The following FSIP2 variants were observed in gnomAD, a reference collection of about 807,000 sequenced individuals.
FSIP2 encodes the protein fibrous sheath-interacting protein 2.
In FSIP2, 367 loss-of-function variants were observed where a neutral mutation model predicts 510.5. That is an observed-to-expected ratio of 0.72 (90% CI 0.66 to 0.78). The LOEUF (loss-of-function observed/expected upper bound fraction) is 0.78. Among genes scored for constraint, FSIP2 ranks in the 30% least tolerant of loss-of-function variants. FSIP2 has a pLI of 0.00. For missense variants in FSIP2, 7,594 were observed against 7,901.7 expected (o/e 0.96, Z 1.48); for synonymous variants, 2,601 against 2,732.2 (o/e 0.95, Z 1.50).
At position 185,801,394 on chromosome 2, in the gene FSIP2, G is replaced by A; in HGVS notation, c.12088G>A (p.Glu4030Lys). 1.3e-6 allele frequency: 2 copies of A among 1,534,142 alleles called. No homozygotes were observed. The highest frequency in any genetic ancestry group is 1.7e-6 in the Non-Finnish European group (2 of 1,145,612). The change falls in exon 17 of 23, where the codon GAA becomes AAA. Residue 4030 changes from glutamate (E) to lysine (K), a missense_variant. Coordinates refer to ENST00000424728, the MANE Select transcript of FSIP2 (RefSeq NM_173651.4). Reference sequence around the variant, plus strand: ...TCAAGTCACTGTTCTACGGAATGCTGAAGAAAGGCTGTGTTTTCCACCAGT... The same window carrying A: ...TCAAGTCACTGTTCTACGGAATGCTAAAGAAAGGCTGTGTTTTCCACCAGT... ...NAQVTVLRNA[E>K]ERLCFPPVHT... is the part of the protein sequence containing the mutation.
At chr2:185,773,561 A>G (rs1241978344) in intron 13 of FSIP2, among the ~76,000 whole-genome samples, 1 of 152,182 alleles carries the variant, frequency 6.6e-6, no homozygotes, top group Non-Finnish European at 1.5e-5. Context: ...TTCAGTTTGT[A>G]TAGTTTCTAA....
At position 185,792,998 on chromosome 2, in the gene FSIP2, T is replaced by G. The variant is rs1479818128; in HGVS notation, c.5862T>G (p.Ile1954Met). Residue 1954 changes from isoleucine to methionine, a missense_variant, in exon 16 of 23, where the codon ATT (isoleucine) becomes ATG (methionine). Transcript: ENST00000424728. The part of the protein sequence containing the change: ...VNFTVPVALP[I>M]QQDHSTLSKA... Reference sequence around the variant, plus strand: ...TTACAGTTCCAGTGGCTTTACCTATTCAGCAAGATCACAGTACATTGAGCA... The same window carrying G: ...TTACAGTTCCAGTGGCTTTACCTATGCAGCAAGATCACAGTACATTGAGCA... 2.6e-6 allele frequency: 4 copies of G among 1,534,362 alleles called. No individual in the cohort carries two copies. The highest frequency in any genetic ancestry group is 3.5e-6 in the Non-Finnish European group (4 of 1,145,692).
Position 185,745,458 on chromosome 2 carries a change from AC to A in FSIP2, c.509del (p.Pro170ArgfsTer20). On this transcript the variant is annotated frameshift_variant, in exon 5 of 23. Coordinates refer to ENST00000424728, the MANE Select transcript of FSIP2 (RefSeq NM_173651.4). LOFTEE classifies it high-confidence loss of function. The stretch of plus-strand genomic sequence containing the variant: ...TACTTGCAAAACAACTACATAACAT[AC>A]CGGAAAACAATCAAATCCCTCAACA... ...RILAKQLHNI[P>X]ENNQIPQHCD... The A allele has an allele frequency of 6.5e-7, 1 of 1,534,154 alleles. No individual in the cohort carries two copies. The highest frequency in any genetic ancestry group is 8.7e-7 in the Non-Finnish European group (1 of 1,145,300).
intron 7 of FSIP2, among the ~76,000 whole-genome samples, chr2:185,752,500 A>T (rs559886419): frequency 6.6e-6 from 1 of 151,310 alleles, no homozygotes; most frequent in East Asian, 1.9e-4. Context: ...GGATATTATT[A>T]TCTAATATTT....
At chr2:185,778,828 C>A (rs1046926713) in intron 13 of FSIP2, among the ~76,000 whole-genome samples, 1 of 151,898 alleles carries the variant, frequency 6.6e-6, no homozygotes, top group Non-Finnish European at 1.5e-5. Context: ...ATTTTTTACT[C>A]CTTGTTCTAA....
At position 185,807,424 on chromosome 2, in the gene FSIP2, T is replaced by G; in HGVS notation, c.18118T>G (p.Leu6040Val). The G allele has an allele frequency of 1.2e-6, 2 of 1,610,636 alleles. No homozygotes were observed. The highest frequency in any genetic ancestry group is 1.7e-6 in the Non-Finnish European group (2 of 1,178,924). ...STKTKEPEDN[L>V]STELNFLQMK... ...AAAAACAAAAGAACCTGAGGACAAT[T>G]TGTCCACAGAACTGAATTTCCTTCA... The change falls in exon 17 of 23, where the codon TTG becomes GTG. Residue 6040 changes from leucine (L) to valine (V), a missense_variant. Leu to Val is a conservative substitution (Grantham distance 32, BLOSUM62 1). Coordinates refer to ENST00000424728, the MANE Select transcript of FSIP2 (RefSeq NM_173651.4).
chr2:185,802,628 A>AG lies in FSIP2; in HGVS notation c.13324dup (p.Asp4442GlyfsTer4). The AG allele has an allele frequency of 6.5e-7, 1 of 1,533,806 alleles. No homozygotes were observed. The highest frequency in any genetic ancestry group is 8.7e-7 in the Non-Finnish European group (1 of 1,145,366). The stretch of plus-strand genomic sequence containing the variant: ...AATTCAGTGGCTGAGAATATTGTTC[A>AG]GGACATCCTTAGTAACATCAGTAAA... On this transcript the variant is annotated frameshift_variant, in exon 17 of 23. Coordinates refer to ENST00000424728, the MANE Select transcript of FSIP2 (RefSeq NM_173651.4). LOFTEE classifies it high-confidence loss of function.
rs1693196201 is a variant in FSIP2, at chr2:185,793,746, G to A, written c.6610G>A (p.Gly2204Arg). The change falls in exon 16 of 23, where the codon GGG (glycine) becomes AGG (arginine). Residue 2204 changes from glycine to arginine, a missense_variant. Transcript: ENST00000424728. Reference sequence around the variant, plus strand: ...AATAGACTGTCAACAGCCTCTTAAGGGGTCAAAAACTGAAAGAAAAACAGA... The same window carrying A: ...AATAGACTGTCAACAGCCTCTTAAGAGGTCAAAAACTGAAAGAAAAACAGA... Reference protein sequence around the residue: ...PKIDCQQPLKGSKTERKTERF... With the variant: ...PKIDCQQPLKRSKTERKTERF... 1 of 1,533,764 alleles carries A rather than the reference G, an allele frequency of 6.5e-7. No individual in the cohort carries two copies. Among genetic ancestry groups the A allele is most frequent in the African/African-American group, 1.4e-5 (1 of 72,758 alleles).
chr2:185,773,665 T>C (rs1474082486), intron 13 of FSIP2, among the ~76,000 whole-genome samples: 2 of 152,220 alleles, frequency 1.3e-5, no homozygotes, highest in Non-Finnish European at 2.9e-5. Flanking sequence ...ACAAGTTCTA[T>C]TGGCTGTTTT....
rs1693434266 is a variant in FSIP2, at chr2:185,801,508, C to A, written c.12202C>A (p.Pro4068Thr). 2 of 1,533,254 alleles carry A rather than the reference C, an allele frequency of 1.3e-6. No individual in the cohort carries two copies. Among genetic ancestry groups the A allele is most frequent in the Middle Eastern group, 1.7e-4 (1 of 5,976 alleles). 95.0% of individuals were successfully genotyped at this position (1,533,254 alleles called of 1,614,324 possible). The change falls in exon 17 of 23, where the codon CCG becomes ACG. Residue 4068 changes from proline to threonine, a missense_variant. Physicochemically the swap from Pro to Thr is conservative, Grantham distance 38. Transcript: ENST00000424728. The stretch of plus-strand genomic sequence containing the variant: ...ATTAAAAGTGGCCTGTGGTAATAAT[C>A]CGGTATACGACAATGCCTCAATAGC... ...YELKVACGNN[P>T]VYDNASIAEQ... is the part of the protein sequence containing the mutation.
In FSIP2 at chr2:185,804,886, A is replaced by G; in HGVS notation, c.15580A>G (p.Ile5194Val). 1 of 1,523,614 alleles carries G rather than the reference A, an allele frequency of 6.6e-7. No individual in the cohort carries two copies. Among genetic ancestry groups the G allele is most frequent in the South Asian group, 1.2e-5 (1 of 81,844 alleles). 94.4% of individuals were successfully genotyped at this position (1,523,614 alleles called of 1,614,324 possible). The change falls in exon 17 of 23, where the codon ATA (isoleucine) becomes GTA (valine). Residue 5194 changes from isoleucine (I) to valine (V), a missense_variant. By Grantham distance (29) the Ile-to-Val change is conservative. Transcript: ENST00000424728. ...LEPIENLVDS[I>V]CNNILKTSEF... ...ACCTATTGAAAATTTGGTCGACTCCATATGTAATAATATTTTGAAAACATC... is the reference window on the plus strand; with the variant it reads ...ACCTATTGAAAATTTGGTCGACTCCGTATGTAATAATATTTTGAAAACATC...
Position 185,797,473 on chromosome 2 carries a change from C to T in FSIP2, c.10337C>T (p.Ala3446Val). The T allele has an allele frequency of 6.6e-7, 1 of 1,521,600 alleles. No homozygotes were observed. Among genetic ancestry groups the T allele is most frequent in the South Asian group, 1.2e-5 (1 of 80,740 alleles). 94.3% of individuals were successfully genotyped at this position (1,521,600 alleles called of 1,614,324 possible). A position where few individuals can be genotyped will look rare whatever the true frequency, so the allele number is the denominator to read the frequency against. ...EMGSNEVHLI[A>V]RHVTTSVVTY... ...GGTTCCAATGAAGTTCATCTGATAG[C>T]AAGACATGTCACCACATCTGTGGTC... The change falls in exon 16 of 23, where the codon GCA becomes GTA. Residue 3446 changes from alanine to valine, a missense_variant. Transcript: ENST00000424728.
At position 185,828,185 on chromosome 2, in the gene FSIP2, G is replaced by A. The variant is rs1694048224; in HGVS notation, c.20503G>A (p.Gly6835Arg). 2 of 1,580,220 alleles carry A rather than the reference G, an allele frequency of 1.3e-6. No individual in the cohort carries two copies. Among genetic ancestry groups the A allele is most frequent in the Admixed American group, 1.7e-5 (1 of 59,474 alleles). Reference protein sequence around the residue: ...ESSQEQKPEHGNSVKFITIFE... With the variant: ...ESSQEQKPEHRNSVKFITIFE... Reference sequence around the variant, plus strand: ...TTCTCAGGAACAAAAGCCAGAGCATGGAAACAGTGTTAAGGTAAGTATTTT... The same window carrying A: ...TTCTCAGGAACAAAAGCCAGAGCATAGAAACAGTGTTAAGGTAAGTATTTT... The change falls in exon 21 of 23, where the codon GGA becomes AGA. Residue 6835 changes from glycine (G) to arginine (R), a missense_variant. Gly to Arg is a moderately radical substitution (Grantham distance 125, BLOSUM62 -2). Coordinates refer to ENST00000424728, the MANE Select transcript of FSIP2 (RefSeq NM_173651.4).
In FSIP2 at chr2:185,813,890, GC is replaced by G; in HGVS notation, c.20174del (p.Ala6725GlufsTer13). 1 of 1,613,720 alleles carries G rather than the reference GC, an allele frequency of 6.2e-7. No individual in the cohort carries two copies. Among genetic ancestry groups the G allele is most frequent in the Non-Finnish European group, 8.5e-7 (1 of 1,179,774 alleles). On this transcript the variant is annotated frameshift_variant, in exon 18 of 23. Coordinates refer to ENST00000424728, the MANE Select transcript of FSIP2 (RefSeq NM_173651.4). LOFTEE classifies it high-confidence loss of function. ...TAAATGTTGTCAGACCACAGCCAGT[GC>G]AAATATTGAAAGTACTGAAGCAATC... ...LSKCCQTTASANIESTEAISN... is the reference protein window; with the variant it reads ...LSKCCQTTASXNIESTEAISN...
chr2:185,800,823 G>A lies in FSIP2; in HGVS notation c.11517G>A (p.Met3839Ile). ...IDQDLLTSDS[M>I]LTIISHSLVK... is the part of the protein sequence containing the mutation. ...AAGACTTATTGACATCAGACTCTATGCTTACTATTATTTCCCACAGCTTGG... is the reference window on the plus strand; with the variant it reads ...AAGACTTATTGACATCAGACTCTATACTTACTATTATTTCCCACAGCTTGG... The change falls in exon 17 of 23, where the codon ATG becomes ATA. Residue 3839 changes from methionine to isoleucine, a missense_variant. Coordinates refer to ENST00000424728, the MANE Select transcript of FSIP2 (RefSeq NM_173651.4). 6.5e-7 allele frequency: 1 copy of A among 1,534,392 alleles called. No individual in the cohort carries two copies. Among genetic ancestry groups the A allele is most frequent in the Non-Finnish European group, 8.7e-7 (1 of 1,145,614 alleles).
chr2:185,782,716 C>G lies in FSIP2; in HGVS notation c.1423C>G (p.His475Asp). ...TTTCTGATAAATAGGACCTCAGGCT[C>G]ATGCTACAGACCCGGGTATATTTTC... Reference protein sequence around the residue: ...SYLCESGPQAHATDPGIFSSP... With the variant: ...SYLCESGPQADATDPGIFSSP... Residue 475 changes from histidine (H) to aspartate (D), a missense_variant, in exon 14 of 23, where the codon CAT becomes GAT. Physicochemically the swap from His to Asp is moderately conservative, Grantham distance 81. Coordinates refer to ENST00000424728, the MANE Select transcript of FSIP2 (RefSeq NM_173651.4). The G allele has an allele frequency of 6.6e-7, 1 of 1,516,620 alleles. No homozygotes were observed. The highest frequency in any genetic ancestry group is 8.9e-7 in the Non-Finnish European group (1 of 1,129,118). 93.9% of individuals were successfully genotyped at this position (1,516,620 alleles called of 1,614,324 possible). A position where few individuals can be genotyped will look rare whatever the true frequency, so the allele number is the denominator to read the frequency against.
rs1408655045 is a variant in FSIP2, at chr2:185,794,316, G to A, written c.7180G>A (p.Asp2394Asn). Residue 2394 changes from aspartate (D) to asparagine (N), a missense_variant, in exon 16 of 23, where the codon GAC (aspartate) becomes AAC (asparagine). Asp to Asn is a conservative substitution (Grantham distance 23). Coordinates refer to ENST00000424728, the MANE Select transcript of FSIP2 (RefSeq NM_173651.4). ...QENIIVSEIV[D>N]SMLKMLDDKR... The stretch of plus-strand genomic sequence containing the variant: ...AAACATCATTGTGAGTGAAATTGTT[G>A]ACAGTATGTTAAAGATGTTAGATGA... 1 of 1,523,184 alleles carries A rather than the reference G, an allele frequency of 6.6e-7. No homozygotes were observed. Among genetic ancestry groups the A allele is most frequent in the Non-Finnish European group, 8.8e-7 (1 of 1,140,438 alleles). The allele number at this position is 1,523,184 out of a possible 1,614,324, so 94.4% of individuals were successfully genotyped here.
Position 185,794,055 on chromosome 2 carries a change from T to C in FSIP2, c.6919T>C (p.Ser2307Pro), listed in dbSNP as rs1693207797. The change falls in exon 16 of 23, where the codon TCA becomes CCA. Residue 2307 changes from serine (S) to proline (P), a missense_variant. By Grantham distance (74) the Ser-to-Pro change is moderately conservative. Coordinates refer to ENST00000424728, the MANE Select transcript of FSIP2 (RefSeq NM_173651.4). ...SIFYDSSQVE[S>P]DVNVLKISAT... ...CTTTTATGATTCAAGCCAAGTGGAA[T>C]CAGATGTAAATGTCCTGAAAATATC... 3 of 1,533,474 alleles carry C rather than the reference T, an allele frequency of 2.0e-6. No homozygotes were observed. The highest frequency in any genetic ancestry group is 4.9e-5 in the East Asian group (2 of 40,820). 95.0% of individuals were successfully genotyped at this position (1,533,474 alleles called of 1,614,324 possible).
intron 10 of FSIP2, 145 bp from the exon 11 acceptor site, chr2:185,761,827 T>A (rs145376409): frequency 6.4e-6 from 3 of 470,306 alleles, no homozygotes. Context: ...GTTGATGATA[T>A]GTATTTTACC....
Sources: allele counts gnomAD v4.1 joint callset (sites outside exome capture counted in the v4.1 genomes callset), GRCh38; gene constraint gnomAD v4.1.1; transcripts MANE v1.5; gene names NCBI Gene and HGNC (gene_info 2026-07-23, HGNC 2026-07-21).